The following WASHC2C variants were observed in gnomAD, a reference collection of about 807,000 sequenced individuals.
The protein encoded by WASHC2C is WASH complex subunit 2C.
Under a neutral mutation model 142.2 loss-of-function variants are expected in WASHC2C, and 73 were observed. The observed-to-expected ratio is 0.51, with a 90% CI of 0.43 to 0.62. The LOEUF (loss-of-function observed/expected upper bound fraction) is 0.62, where lower values mean the gene tolerates loss of function less well. Ranked by LOEUF, WASHC2C falls within the 20% of genes least tolerant of loss-of-function variation. The pLI, the probability that WASHC2C is intolerant of heterozygous loss-of-function variation, is 0.00. For synonymous variants in WASHC2C, 337 were observed against 565.5 expected (o/e 0.60, Z 5.73); for missense variants, 969 against 1,531.7 (o/e 0.63, Z 6.13).
intron 23 of WASHC2C, among the ~76,000 whole-genome samples, chr10:45,784,250 G>GTATA (rs2057754333): frequency 1.8e-4 from 4 of 22,546 alleles, no homozygotes; most frequent in Admixed American, 6.7e-4. Flanking sequence ...ATGTGTGTGT[G>GTATA]TGTATATATA....
intron 23 of WASHC2C, among the ~76,000 whole-genome samples, chr10:45,780,020 G>A (rs1388444986): frequency 2.6e-5 from 4 of 151,348 alleles, no homozygotes; most frequent in African/African-American, 9.7e-5. Flanking sequence ...TGGTCATTCT[G>A]TGAGGTTAGT....
At chr10:45,727,890 G>A (rs2133966618) in intron 2 of WASHC2C, among the ~76,000 whole-genome samples, 1 of 152,328 alleles carries the variant, frequency 6.6e-6, no homozygotes, top group Non-Finnish European at 1.5e-5. Flanking sequence ...CCAGTATGTG[G>A]ATATCCTTTA....
In WASHC2C at chr10:45,791,576, G is replaced by C. The variant is rs1430022355; in HGVS notation, c.3887-685G>C. Among the ~76,000 whole-genome samples the C allele has an allele frequency of 3.4e-5, 5 of 145,860 alleles. 1 individual carries two copies. Among genetic ancestry groups the C allele is most frequent in the Non-Finnish European group, 6.1e-5 (4 of 65,580 alleles). The stretch of plus-strand genomic sequence containing the variant: ...CTTCCTTGTTTTCAGTGCTGTGCAC[G>C]ATTTCTTTATATTTAGCCATTAGCC... On this transcript the variant is annotated intron_variant, in intron 30 of 30. Coordinates refer to ENST00000623400, the MANE Select transcript of WASHC2C (RefSeq NM_001330074.2).
intron 23 of WASHC2C, 82 bp from the exon 24 acceptor site, chr10:45,784,483 T>C (rs2057879312): frequency 6.8e-7 from 1 of 1,472,704 alleles, no homozygotes; most frequent in South Asian, 1.4e-5. Flanking sequence ...ACATCTTTGT[T>C]GTGTCCATCT....
At chr10:45,732,480 A>G (rs2050722142) in intron 3 of WASHC2C, among the ~76,000 whole-genome samples, 1 of 152,216 alleles carries the variant, frequency 6.6e-6, no homozygotes, top group Non-Finnish European at 1.5e-5. Flanking sequence ...TAGGAATTGG[A>G]TCCTGAAATA....
chr10:45,757,696 C>T (rs1232220059), intron 16 of WASHC2C, among the ~76,000 whole-genome samples: 1 of 151,972 alleles, frequency 6.6e-6, no homozygotes, highest in African/African-American at 2.4e-5. Flanking sequence ...CCATTTACGG[C>T]AGTGATCCCC....
At chr10:45,788,757 C>T in intron 28 of WASHC2C, 114 bp from the exon 29 acceptor site, 1 of 1,537,710 alleles carries the variant, frequency 6.5e-7, no homozygotes, top group East Asian at 2.2e-5. Flanking sequence ...ATAATATCTT[C>T]ATTGAAGTAG....
At chr10:45,749,661 C>G (rs2134542853) in intron 8 of WASHC2C, among the ~76,000 whole-genome samples, 1 of 150,670 alleles carries the variant, frequency 6.6e-6, no homozygotes, top group South Asian at 2.1e-4. Context: ...CCCATCTCTA[C>G]TAAAAATACA....
At chr10:45,777,213 C>G in intron 21 of WASHC2C, 60 bp from the exon 22 acceptor site, 1 of 1,160,744 alleles carries the variant, frequency 8.6e-7, no homozygotes, top group South Asian at 1.4e-5. Flanking sequence ...CTGTATATGG[C>G]CATGCTGGTC....
chr10:45,792,722 G>C lies in WASHC2C; in HGVS notation c.*322G>C. 1 of 533,778 alleles carries C rather than the reference G, an allele frequency of 1.9e-6. No individual in the cohort carries two copies. Among genetic ancestry groups the C allele is most frequent in the Non-Finnish European group, 3.6e-6 (1 of 278,498 alleles). 33.1% of individuals were successfully genotyped at this position (533,778 alleles called of 1,614,324 possible). A position where few individuals can be genotyped will look rare whatever the true frequency, so the allele number is the denominator to read the frequency against. On this transcript the variant is annotated 3_prime_UTR_variant, in exon 31 of 31. Coordinates refer to ENST00000623400, the MANE Select transcript of WASHC2C (RefSeq NM_001330074.2). ...TGGCTTTCATGGGCAGGGAATCTCA[G>C]AGATAGCAAATGCCACCTGACCAGA...
At chr10:45,790,243 G>A (rs1454998661) in intron 29 of WASHC2C, 113 bp from the exon 30 acceptor site, 9 of 1,553,148 alleles carry the variant, frequency 5.8e-6, no homozygotes, top group African/African-American at 2.7e-5. Flanking sequence ...GGGCAGTCTC[G>A]AGGCCGTTCC....
chr10:45,789,701 T>C (rs1178545377), intron 29 of WASHC2C, among the ~76,000 whole-genome samples: 1 of 152,262 alleles, frequency 6.6e-6, no homozygotes, highest in Non-Finnish European at 1.5e-5. Flanking sequence ...ATTTCTTGGC[T>C]GGCCATGATC....
Position 45,789,393 on chromosome 10 carries a change from G to T in WASHC2C, c.3610G>T (p.Asp1204Tyr). Residue 1204 changes from aspartate (D) to tyrosine (Y), a missense_variant, in exon 29 of 31, where the codon GAT becomes TAT. Physicochemically the swap from Asp to Tyr is radical, Grantham distance 160. Transcript: ENST00000623400. Reference protein sequence around the residue: ...KKTNPFPLLEDEDDLFTDQKV... With the variant: ...KKTNPFPLLEYEDDLFTDQKV... ...AACAAATCCCTTTCCTCTCCTGGAAGATGAGGATGACCTCTTTACAGATCA... is the reference window on the plus strand; with the variant it reads ...AACAAATCCCTTTCCTCTCCTGGAATATGAGGATGACCTCTTTACAGATCA... The T allele has an allele frequency of 6.2e-7, 1 of 1,612,066 alleles. No homozygotes were observed. The highest frequency in any genetic ancestry group is 8.5e-7 in the Non-Finnish European group (1 of 1,179,870).
At chr10:45,784,407 C>T (rs1194874996) in intron 23 of WASHC2C, among the ~76,000 whole-genome samples, 158 bp from the exon 24 acceptor site, 9 of 141,266 alleles carry the variant, frequency 6.4e-5, no homozygotes, top group Non-Finnish European at 3.1e-5. Flanking sequence ...GTCAATGTTT[C>T]ATTCCCCTAC....
chr10:45,746,596 A>G lies in WASHC2C; in HGVS notation c.685-4A>G. On this transcript the variant is annotated splice_region_variant and splice_polypyrimidine_tract_variant and intron_variant, in intron 7 of 30. Coordinates refer to ENST00000623400, the MANE Select transcript of WASHC2C (RefSeq NM_001330074.2). ...AACAACAAAGCCTTTTCTTACCCAT[A>G]AAGGAGTCAGATGAAGATTTTGCCC... 1.2e-6 allele frequency: 2 copies of G among 1,613,460 alleles called. No individual in the cohort carries two copies. Among genetic ancestry groups the G allele is most frequent in the South Asian group, 1.1e-5 (1 of 91,066 alleles).
rs1475557656 is a variant in WASHC2C at position 45,769,588 on chromosome 10, A to T, written c.2009A>T (p.Glu670Val). 3 of 1,611,850 alleles carry T rather than the reference A, an allele frequency of 1.9e-6. No homozygotes were observed. The highest frequency in any genetic ancestry group is 2.5e-6 in the Non-Finnish European group (3 of 1,179,870). ...ACCAGTCTCTTTGAGGAAGACAAAG[A>T]AGATGATCTTTTTGCCATTGCCAAG... Reference protein sequence around the residue: ...KKTSLFEEDKEDDLFAIAKDS... With the variant: ...KKTSLFEEDKVDDLFAIAKDS... Residue 670 changes from glutamate to valine, a missense_variant, in exon 20 of 31, where the codon GAA (glutamate) becomes GTA (valine). Physicochemically the swap from Glu to Val is moderately radical, Grantham distance 121. Coordinates refer to ENST00000623400, the MANE Select transcript of WASHC2C (RefSeq NM_001330074.2).
intron 26 of WASHC2C, 53 bp downstream of exon 26, chr10:45,785,684 G>C (rs1398566672): frequency 6.2e-7 from 1 of 1,611,234 alleles, no homozygotes; most frequent in African/African-American, 1.3e-5. Flanking sequence ...CCAGTACAGA[G>C]AAATTCCATT....
chr10:45,751,254 T>A (rs1402882912), intron 10 of WASHC2C, among the ~76,000 whole-genome samples: 1 of 150,862 alleles, frequency 6.6e-6, no homozygotes, highest in Admixed American at 6.6e-5. Context: ...ACAATCCTGT[T>A]ATGCACATGA....
chr10:45,727,556 G>T lies in WASHC2C; in HGVS notation c.126+17G>T, dbSNP rs555511544. The T allele has an allele frequency of 6.4e-7, 1 of 1,564,304 alleles. No homozygotes were observed. Among genetic ancestry groups the T allele is most frequent in the East Asian group, 2.4e-5 (1 of 42,200 alleles). ...GACGCGGGCGTGAGAGGCGGGCCCC[G>T]GGGACGCGAGAGCGGCAGGGGTGAC... On this transcript the variant is annotated intron_variant, in intron 2 of 30. Transcript: ENST00000623400.
Sources: allele counts gnomAD v4.1 joint callset (sites outside exome capture counted in the v4.1 genomes callset), GRCh38; gene constraint gnomAD v4.1.1; transcripts MANE v1.5; gene names NCBI Gene and HGNC (gene_info 2026-07-23, HGNC 2026-07-21).